Variants in KBTBD2 observed in about 807,000 individuals in gnomAD.
KBTBD2 encodes kelch repeat and BTB domain-containing protein 2.
KBTBD2 carries 17 observed loss-of-function variants against 57.1 expected under a neutral mutation model. That is an observed-to-expected ratio of 0.30 (90% CI 0.20 to 0.45). The LOEUF is 0.45. Among genes scored for constraint, KBTBD2 ranks in the 20% least tolerant of loss-of-function variants. The pLI is 1.00. For missense variants in KBTBD2, 515 were observed against 750.6 expected, an observed-to-expected ratio of 0.69 and a Z score of 3.67; for synonymous variants, 267 against 262.7, an observed-to-expected ratio of 1.02 and a Z score of -0.16.
In KBTBD2 at chr7:32,870,023, G is replaced by T; in HGVS notation, c.1194C>A (p.Thr398=). The change falls in exon 4 of 4, where the codon ACC becomes ACA. Residue 398 remains threonine, a synonymous_variant. Coordinates refer to ENST00000304056, the MANE Select transcript of KBTBD2 (RefSeq NM_015483.3). ...DSVGGELNRR[T]VERYDTEKDE... is the part of the protein sequence containing the mutation. ...CTTTCTCAGTGTCGTATCTTTCTAC[G>T]GTCCTCCGATTAAGTTCTCCACCTA... is the stretch of plus-strand genomic sequence containing the variant. 2 of 1,613,998 alleles carry T rather than the reference G, an allele frequency of 1.2e-6. No homozygotes were observed. Among genetic ancestry groups the T allele is most frequent in the Non-Finnish European group, 1.7e-6 (2 of 1,179,994 alleles).
intron 1 of KBTBD2, among the ~76,000 whole-genome samples, chr7:32,881,961 G>C (rs1015122046): frequency 1.3e-5 from 2 of 152,124 alleles, no homozygotes; most frequent in Non-Finnish European, 2.9e-5. Flanking sequence ...GTCTCAGGTA[G>C]CAATGGATAA....
chr7:32,883,223 C>G (rs910750842), intron 1 of KBTBD2, among the ~76,000 whole-genome samples: 26 of 151,644 alleles, frequency 1.7e-4, no homozygotes, highest in African/African-American at 6.3e-4. Context: ...ACTAAAAATA[C>G]AAAAATTAGT....
chr7:32,877,815 C>A (rs567053313), intron 2 of KBTBD2, among the ~76,000 whole-genome samples: 2 of 152,104 alleles, frequency 1.3e-5, no homozygotes, highest in Non-Finnish European at 2.9e-5. Flanking sequence ...GGTTAACAAA[C>A]TTCCCAGACT....
At position 32,870,195 on chromosome 7, in the gene KBTBD2, T is replaced by G. The variant is rs777543183; in HGVS notation, c.1022A>C (p.Gln341Pro). 6 of 1,614,084 alleles carry G rather than the reference T, an allele frequency of 3.7e-6. No homozygotes were observed. The highest frequency in any genetic ancestry group is 5.1e-6 in the Non-Finnish European group (6 of 1,180,040). ...GCAATTCACAGTTCTGAAGGCAGTC[T>G]GAAGTTTGCTTGTTTTACTGTGATT... Reference protein sequence around the residue: ...KTNHSKTSKLQTAFRTVNCFY... With the variant: ...KTNHSKTSKLPTAFRTVNCFY... Residue 341 changes from glutamine (Q) to proline (P), a missense_variant, in exon 4 of 4, where the codon CAG (glutamine) becomes CCG (proline). By Grantham distance (76) the Gln-to-Pro change is moderately conservative. Coordinates refer to ENST00000304056, the MANE Select transcript of KBTBD2 (RefSeq NM_015483.3).
At chr7:32,884,522 T>A (rs1360678700) in intron 1 of KBTBD2, among the ~76,000 whole-genome samples, 1 of 151,824 alleles carries the variant, frequency 6.6e-6, no homozygotes, top group Non-Finnish European at 1.5e-5. Flanking sequence ...AAACCCCGTC[T>A]CTACTAAAAA....
chr7:32,890,550 T>C lies in KBTBD2; in HGVS notation c.-339+986A>G, dbSNP rs1347060431. ...TTAGTTGCCTCGATAAAAGAAAATA[T>C]CATTTTGGTCAGTGCACAGCGTTGA... On this transcript the variant is annotated intron_variant, in intron 1 of 3. Transcript: ENST00000304056. Among the ~76,000 whole-genome samples, 6 of 152,174 alleles carry C rather than the reference T, an allele frequency of 3.9e-5. No homozygotes were observed. The East Asian group carries it at 5.8e-4, about 15-fold the overall frequency.
chr7:32,875,511 T>C (rs867885150), intron 2 of KBTBD2, among the ~76,000 whole-genome samples: 1 of 152,162 alleles, frequency 6.6e-6, no homozygotes, highest in African/African-American at 2.4e-5. Context: ...GCTCAAGCAA[T>C]CTTTCCTGCC....
In KBTBD2 at chr7:32,879,954, A is replaced by G; in HGVS notation, c.-338-12T>C. 5.1e-6 allele frequency: 1 copy of G among 197,842 alleles called. No homozygotes were observed. The highest frequency in any genetic ancestry group is 1.0e-5 in the Non-Finnish European group (1 of 98,370). The allele number at this position is 197,842 out of a possible 1,614,324, so 12.3% of individuals were successfully genotyped here. A position where few individuals can be genotyped will look rare whatever the true frequency, so the allele number is the denominator to read the frequency against. ...ATCCTGTGGAGTAACTAAAAAGAAA[A>G]AAAGTTCAGTTGTAGTATCTAGGCC... On this transcript the variant is annotated splice_polypyrimidine_tract_variant and intron_variant, in intron 1 of 3. Transcript: ENST00000304056.
In KBTBD2 at chr7:32,869,774, G is replaced by C; in HGVS notation, c.1443C>G (p.Thr481=). ...CAGAGGGGAGTCTTATGCCGGAATT[G>C]GTAGCAATATGCAACCCTCCAATAT... ...IFYIGGLHIA[T]NSGIRLPSGT... is the part of the protein sequence containing the mutation. The change falls in exon 4 of 4, where the codon ACC becomes ACG. Residue 481 remains threonine, a synonymous_variant. Coordinates refer to ENST00000304056, the MANE Select transcript of KBTBD2 (RefSeq NM_015483.3). The C allele has an allele frequency of 2.5e-6, 4 of 1,613,976 alleles. No homozygotes were observed. Among genetic ancestry groups the C allele is most frequent in the Non-Finnish European group, 3.4e-6 (4 of 1,180,016 alleles).
intron 3 of KBTBD2, among the ~76,000 whole-genome samples, chr7:32,873,027 A>G (rs1176352482): frequency 6.6e-6 from 1 of 152,228 alleles, no homozygotes; most frequent in African/African-American, 2.4e-5. Context: ...CATTCAGTGC[A>G]TATTTATTAA....
chr7:32,883,462 A>G (rs1223794460), intron 1 of KBTBD2, among the ~76,000 whole-genome samples: 1 of 152,194 alleles, frequency 6.6e-6, no homozygotes, highest in Non-Finnish European at 1.5e-5. Context: ...TGCCCACAAC[A>G]CAAACATTTT....
intron 1 of KBTBD2, among the ~76,000 whole-genome samples, chr7:32,891,332 G>A (rs925562319): frequency 3.4e-5 from 5 of 147,748 alleles, no homozygotes; most frequent in Non-Finnish European, 7.5e-5. Context: ...GGCCGCCGCG[G>A]GGTGCGGAGG....
chr7:32,869,016 G>C lies in KBTBD2; in HGVS notation c.*329C>G, dbSNP rs775749371. On this transcript the variant is annotated 3_prime_UTR_variant, in exon 4 of 4. Coordinates refer to ENST00000304056, the MANE Select transcript of KBTBD2 (RefSeq NM_015483.3). Reference sequence around the variant, plus strand: ...GCACAATTTGTGATACATCACACTAGGAACAGGAAACTACTTTTATAAATG... The same window carrying C: ...GCACAATTTGTGATACATCACACTACGAACAGGAAACTACTTTTATAAATG... 1.1e-4 allele frequency: 20 copies of C among 181,314 alleles called. No homozygotes were observed. Among genetic ancestry groups the C allele is most frequent in the Non-Finnish European group, 1.9e-4 (16 of 85,538 alleles). 11.2% of individuals were successfully genotyped at this position (181,314 alleles called of 1,614,324 possible).
Position 32,870,033 on chromosome 7 carries a change from T to C in KBTBD2, c.1184A>G (p.Asn395Ser). ...IGGDSVGGELNRRTVERYDTE... is the reference protein window; with the variant it reads ...IGGDSVGGELSRRTVERYDTE... ...GTCGTATCTTTCTACGGTCCTCCGA[T>C]TAAGTTCTCCACCTACGCTATCTCC... The change falls in exon 4 of 4, where the codon AAT becomes AGT. Residue 395 changes from asparagine to serine, a missense_variant. Physicochemically the swap from Asn to Ser is conservative, Grantham distance 46. Transcript: ENST00000304056. 3.7e-6 allele frequency: 6 copies of C among 1,614,194 alleles called. No individual in the cohort carries two copies. The highest frequency in any genetic ancestry group is 5.1e-6 in the Non-Finnish European group (6 of 1,180,032).
intron 2 of KBTBD2, among the ~76,000 whole-genome samples, chr7:32,877,260 G>A (rs1052922311): frequency 4.6e-5 from 7 of 151,896 alleles, no homozygotes; most frequent in African/African-American, 1.2e-4. Context: ...CTCGTGATCC[G>A]CCCGCCTCTG....
intron 2 of KBTBD2, among the ~76,000 whole-genome samples, chr7:32,877,786 T>A (rs1038798537): frequency 6.6e-6 from 1 of 152,178 alleles, no homozygotes; most frequent in African/African-American, 2.4e-5. Context: ...TGTCCCTTGG[T>A]ATCTGTGGGG....
intron 1 of KBTBD2, among the ~76,000 whole-genome samples, 194 bp downstream of exon 1, chr7:32,891,342 G>A (rs1187727598): frequency 2.7e-5 from 4 of 148,378 alleles, no homozygotes; most frequent in East Asian, 2.0e-4. Flanking sequence ...GGGTGCGGAG[G>A]GCGGCGCCGG....
chr7:32,881,489 T>A (rs1784443265), intron 1 of KBTBD2, among the ~76,000 whole-genome samples: 1 of 151,746 alleles, frequency 6.6e-6, no homozygotes, highest in Non-Finnish European at 1.5e-5. Flanking sequence ...CCTCACAAAA[T>A]ACCATCCATT....
At chr7:32,882,331 C>T (rs1217289646) in intron 1 of KBTBD2, among the ~76,000 whole-genome samples, 1 of 152,126 alleles carries the variant, frequency 6.6e-6, no homozygotes, top group Non-Finnish European at 1.5e-5. Flanking sequence ...GCCGCTAGAC[C>T]CCAGAATTTC....
Sources: gnomAD v4.1 joint callset for allele counts (sites outside exome capture counted in the v4.1 genomes callset) on GRCh38, gnomAD v4.1.1 for gene constraint, MANE v1.5 for transcripts, NCBI Gene and HGNC (gene_info 2026-07-23, HGNC 2026-07-21) for gene names.